The following LHFPL6 variants were observed in gnomAD, a reference collection of about 807,000 sequenced individuals.
LHFPL6 encodes the protein LHFPL tetraspan subfamily member 6 protein.
Under a neutral mutation model 20.6 loss-of-function variants are expected in LHFPL6, and 9 were observed. That is an observed-to-expected ratio of 0.44 (90% confidence interval 0.26 to 0.76). The LOEUF is 0.76. Among genes scored for constraint, LHFPL6 ranks in the 30% least tolerant of loss-of-function variants. The pLI is 0.20. For synonymous variants in LHFPL6, 105 were observed against 98.7 expected, an observed-to-expected ratio of 1.06 and a Z score of -0.38; for missense variants, 218 against 253.5, an observed-to-expected ratio of 0.86 and a Z score of 0.95.
At chr13:39,392,485 T>G (rs1870735387) in intron 2 of LHFPL6, among the ~76,000 whole-genome samples, 1 of 152,066 alleles carries the variant, frequency 6.6e-6, no homozygotes, top group African/African-American at 2.4e-5. Context: ...TCCCAGCTAC[T>G]TGGGAGGCTA....
chr13:39,399,197 G>A (rs1870920536), intron 2 of LHFPL6, among the ~76,000 whole-genome samples: 1 of 152,112 alleles, frequency 6.6e-6, no homozygotes, highest in South Asian at 2.1e-4. Flanking sequence ...GGGTCAATCT[G>A]GTTTATTCTG....
At position 39,600,980 on chromosome 13, in the gene LHFPL6, G is replaced by C; in HGVS notation, c.237C>G (p.Ser79Arg). The C allele has an allele frequency of 6.2e-7, 1 of 1,613,652 alleles. No homozygotes were observed. ...GRYASFQGIP[S>R]AEWRICTIVT... The stretch of plus-strand genomic sequence containing the variant: ...CTATGGTGCAGATCCTCCATTCTGC[G>C]CTGGGGATGCCCTGGAAGGAGGCAT... Residue 79 changes from serine to arginine, a missense_variant, in exon 2 of 4, where the codon AGC (serine) becomes AGG (arginine). Transcript: ENST00000379589.
At chr13:39,494,253 T>A (rs1204935782) in intron 2 of LHFPL6, among the ~76,000 whole-genome samples, 1 of 152,250 alleles carries the variant, frequency 6.6e-6, no homozygotes, top group Non-Finnish European at 1.5e-5. Context: ...GCAGGACTAT[T>A]GCTAGTCGCA....
chr13:39,584,516 ACT>A (rs1322478562), intron 2 of LHFPL6, among the ~76,000 whole-genome samples: 3 of 134,904 alleles, frequency 2.2e-5, no homozygotes, highest in African/African-American at 8.7e-5. Flanking sequence ...CAACAGTGAA[ACT>A]CTGTCTCAAA....
intron 2 of LHFPL6, among the ~76,000 whole-genome samples, chr13:39,520,974 C>T (rs1486246015): frequency 6.6e-6 from 1 of 152,162 alleles, no homozygotes; most frequent in African/African-American, 2.4e-5. Context: ...CATGGACAGC[C>T]TCAGTTCTGG....
At chr13:39,548,752 A>C (rs1367474121) in intron 2 of LHFPL6, among the ~76,000 whole-genome samples, 1 of 152,094 alleles carries the variant, frequency 6.6e-6, no homozygotes, top group African/African-American at 2.4e-5. Context: ...GGCTGATTCC[A>C]GGGTAAGGCA....
At chr13:39,349,620 A>T (rs573065895) in intron 3 of LHFPL6, among the ~76,000 whole-genome samples, 2 of 152,246 alleles carry the variant, frequency 1.3e-5, no homozygotes, top group African/African-American at 4.8e-5. Context: ...CAATAATGAG[A>T]CATTTCTATA....
chr13:39,553,108 A>T (rs1218410583), intron 2 of LHFPL6, among the ~76,000 whole-genome samples: 1 of 152,250 alleles, frequency 6.6e-6, no homozygotes, highest in African/African-American at 2.4e-5. Context: ...CAAAATGAGA[A>T]AATTGAAATA....
chr13:39,430,558 G>A (rs1871765714), intron 2 of LHFPL6, among the ~76,000 whole-genome samples: 1 of 152,216 alleles, frequency 6.6e-6, no homozygotes, highest in African/African-American at 2.4e-5. Context: ...TTTACATGCT[G>A]ACATTGAGAG....
intron 2 of LHFPL6, among the ~76,000 whole-genome samples, chr13:39,483,825 G>A (rs575718405): frequency 5.9e-5 from 9 of 152,304 alleles, no homozygotes; most frequent in African/African-American, 2.2e-4. Flanking sequence ...TCCATGGGGA[G>A]GGAATGGCCT....
chr13:39,348,442 A>G (rs1460904024), intron 3 of LHFPL6, among the ~76,000 whole-genome samples: 1 of 152,100 alleles, frequency 6.6e-6, no homozygotes, highest in Non-Finnish European at 1.5e-5. Flanking sequence ...GGTGGAACAA[A>G]GTCTGCAGTG....
At chr13:39,423,574 C>A (rs1046820407) in intron 2 of LHFPL6, among the ~76,000 whole-genome samples, 1 of 152,096 alleles carries the variant, frequency 6.6e-6, no homozygotes, top group Non-Finnish European at 1.5e-5. Flanking sequence ...CAGGCACCTA[C>A]CACCATGGCT....
At chr13:39,366,478 G>A (rs961774452) in intron 3 of LHFPL6, among the ~76,000 whole-genome samples, 3 of 152,198 alleles carry the variant, frequency 2.0e-5, no homozygotes, top group African/African-American at 7.2e-5. Flanking sequence ...ATGCACTCGA[G>A]TTGTGGTTTC....
intron 2 of LHFPL6, among the ~76,000 whole-genome samples, chr13:39,546,163 T>C (rs1870977162): frequency 6.6e-6 from 1 of 152,094 alleles, no homozygotes; most frequent in African/African-American, 2.4e-5. Flanking sequence ...GCTATTAGAC[T>C]ATGAAATCTC....
At chr13:39,412,231 G>A (rs1438364794) in intron 2 of LHFPL6, among the ~76,000 whole-genome samples, 1 of 152,160 alleles carries the variant, frequency 6.6e-6, no homozygotes, top group Non-Finnish European at 1.5e-5. Flanking sequence ...TTTATGACCA[G>A]ACTGATTTAG....
At chr13:39,439,754 ACTCT>A (rs1241674387) in intron 2 of LHFPL6, among the ~76,000 whole-genome samples, 1 of 151,088 alleles carries the variant, frequency 6.6e-6, no homozygotes, top group Non-Finnish European at 1.5e-5. Flanking sequence ...GCACCTCCCC[ACTCT>A]CTCTCTTCCT....
chr13:39,554,835 G>A (rs1871255829), intron 2 of LHFPL6, among the ~76,000 whole-genome samples: 1 of 152,166 alleles, frequency 6.6e-6, no homozygotes, highest in Non-Finnish European at 1.5e-5. Flanking sequence ...TTTCATTAAA[G>A]TTTAACCTCT....
intron 2 of LHFPL6, among the ~76,000 whole-genome samples, chr13:39,491,080 T>C (rs777537438): frequency 2.6e-5 from 4 of 152,218 alleles, no homozygotes; most frequent in Non-Finnish European, 5.9e-5. Flanking sequence ...GAGTCTACCA[T>C]GGCACATATA....
At chr13:39,464,599 G>A (rs1872757015) in intron 2 of LHFPL6, among the ~76,000 whole-genome samples, 1 of 151,962 alleles carries the variant, frequency 6.6e-6, no homozygotes, top group Non-Finnish European at 1.5e-5. Flanking sequence ...TCTATTCCAT[G>A]AAGTCTATTA....
Sources: gnomAD v4.1 joint callset for allele counts (sites outside exome capture counted in the v4.1 genomes callset) on GRCh38, gnomAD v4.1.1 for gene constraint, MANE v1.5 for transcripts, NCBI Gene and HGNC (gene_info 2026-07-23, HGNC 2026-07-21) for gene names.